ANKS1B: variants seen among roughly 807,000 people sequenced by gnomAD.
ANKS1B encodes the protein ankyrin repeat and sterile alpha motif domain containing 1B, also known as ankyrin repeat and sterile alpha motif domain-containing protein 1B.
Under a neutral mutation model 148.3 loss-of-function variants are expected in ANKS1B, and 36 were observed. The ratio of observed to expected loss-of-function variants is 0.24; its 90% CI spans 0.19 to 0.32. The LOEUF (loss-of-function observed/expected upper bound fraction) is 0.32, where lower values mean the gene tolerates loss of function less well. Among genes scored for constraint, ANKS1B ranks in the 10% least tolerant of loss-of-function variants. ANKS1B has a pLI of 1.00. For synonymous variants in ANKS1B, 542 were observed against 560.8 expected, an observed-to-expected ratio of 0.97 and a Z score of 0.47; for missense variants, 1,157 against 1,542.6, an observed-to-expected ratio of 0.75 and a Z score of 4.19.
intron 15 of ANKS1B, among the ~76,000 whole-genome samples, chr12:99,112,389 T>C (rs928226845): frequency 6.6e-6 from 1 of 151,980 alleles, no homozygotes; most frequent in Non-Finnish European, 1.5e-5. Flanking sequence ...ATTTTATATC[T>C]CCCATTACAC....
intron 1 of ANKS1B, among the ~76,000 whole-genome samples, chr12:99,839,227 A>G (rs1251994111): frequency 6.6e-6 from 1 of 152,186 alleles, no homozygotes; most frequent in Admixed American, 6.5e-5. Flanking sequence ...AAAAATAATA[A>G]GTATAGTCAA....
Position 98,745,467 on chromosome 12 carries a change from T to C in ANKS1B, c.*272A>G, listed in dbSNP as rs2097860520. ...CTGGGGCGGAGTCATCAGAAATACC[T>C]TGGGAGGTGGTGGGGAGGGGAGTCG... On this transcript the variant is annotated 3_prime_UTR_variant, in exon 27 of 27. Transcript: ENST00000683438. 5.4e-6 allele frequency: 6 copies of C among 1,106,686 alleles called. No homozygotes were observed. Among genetic ancestry groups the C allele is most frequent in the South Asian group, 6.3e-5 (2 of 31,804 alleles). 68.6% of individuals were successfully genotyped at this position (1,106,686 alleles called of 1,614,324 possible). A position where few individuals can be genotyped will look rare whatever the true frequency, so the allele number is the denominator to read the frequency against.
chr12:99,500,854 G>A (rs928901629), intron 10 of ANKS1B, among the ~76,000 whole-genome samples: 1 of 151,968 alleles, frequency 6.6e-6, no homozygotes, highest in African/African-American at 2.4e-5. Flanking sequence ...CTTCTCCTCT[G>A]GAACTTTGAT....
chr12:99,361,617 A>T (rs750534457), intron 12 of ANKS1B, among the ~76,000 whole-genome samples: 3 of 152,122 alleles, frequency 2.0e-5, no homozygotes, highest in Non-Finnish European at 4.4e-5. Flanking sequence ...TGTTGTCAAT[A>T]TATCATCAAT....
intron 10 of ANKS1B, among the ~76,000 whole-genome samples, chr12:99,456,224 A>T (rs1314207728): frequency 1.3e-5 from 2 of 152,184 alleles, no homozygotes; most frequent in African/African-American, 4.8e-5. Context: ...GAAAGGGAAG[A>T]GCACCATATC....
intron 14 of ANKS1B, among the ~76,000 whole-genome samples, chr12:99,156,250 C>T (rs2076040868): frequency 6.6e-6 from 1 of 152,062 alleles, no homozygotes; most frequent in South Asian, 2.1e-4. Context: ...GATTCTATTT[C>T]CTGTTTTAAG....
chr12:99,116,537 C>T (rs1186519962), intron 15 of ANKS1B, among the ~76,000 whole-genome samples: 1 of 152,028 alleles, frequency 6.6e-6, no homozygotes, highest in East Asian at 1.9e-4. Context: ...AAATGTTTTG[C>T]CCATGATATT....
intron 12 of ANKS1B, among the ~76,000 whole-genome samples, chr12:99,300,048 T>A (rs1157943754): frequency 6.6e-6 from 1 of 152,170 alleles, no homozygotes; most frequent in Non-Finnish European, 1.5e-5. Context: ...AAGCCTGATT[T>A]GAATAGCACA....
At chr12:99,597,028 A>G (rs1452533785) in intron 9 of ANKS1B, among the ~76,000 whole-genome samples, 1 of 151,940 alleles carries the variant, frequency 6.6e-6, no homozygotes, top group African/African-American at 2.4e-5. Flanking sequence ...TGAAATGACT[A>G]TGCAATTTTA....
intron 17 of ANKS1B, among the ~76,000 whole-genome samples, chr12:98,844,573 A>T (rs1377488957): frequency 6.6e-6 from 1 of 152,224 alleles, no homozygotes; most frequent in Non-Finnish European, 1.5e-5. Context: ...GACCAGGAGA[A>T]TGTCATAGAT....
intron 12 of ANKS1B, among the ~76,000 whole-genome samples, chr12:99,355,996 C>T: frequency 6.6e-6 from 1 of 151,808 alleles, no homozygotes; most frequent in East Asian, 1.9e-4. Context: ...ACAGAAACTA[C>T]AATAATTGAA....
intron 17 of ANKS1B, among the ~76,000 whole-genome samples, chr12:98,904,492 G>T (rs1373129247): frequency 2.0e-5 from 3 of 152,226 alleles, no homozygotes; most frequent in Non-Finnish European, 1.5e-5. Flanking sequence ...AGAATTGGAT[G>T]TGCATCAAAA....
chr12:99,057,748 C>A (rs1424503202), intron 16 of ANKS1B, among the ~76,000 whole-genome samples: 1 of 152,134 alleles, frequency 6.6e-6, no homozygotes, highest in African/African-American at 2.4e-5. Flanking sequence ...TGGTTAGAGA[C>A]GAGGTCTCTG....
rs185293198 is a variant in ANKS1B, at chr12:99,067,379, C to T, written c.2626-14070G>A. On this transcript the variant is annotated intron_variant, in intron 16 of 26. Transcript: ENST00000683438. ...ATAGCCAGAGACACAGACATCAGTA[C>T]CTTTGACACATTGGGCACCTGCAGC... Among the ~76,000 whole-genome samples the T allele has an allele frequency of 7.2e-5, 11 of 152,276 alleles. No individual in the cohort carries two copies. The East Asian group carries it at 1.7e-3, about 24-fold the overall frequency.
Position 98,795,134 on chromosome 12 carries a change from T to C in ANKS1B, c.3342+3800A>G, listed in dbSNP as rs113881901. Among the ~76,000 whole-genome samples, 80 of 152,360 alleles carry C rather than the reference T, an allele frequency of 5.3e-4. 1 individual carries two copies. The highest frequency in any genetic ancestry group is 1.8e-3 in the African/African-American group (73 of 41,584). On this transcript the variant is annotated intron_variant, in intron 22 of 26. Coordinates refer to ENST00000683438, the MANE Select transcript of ANKS1B (RefSeq NM_001352186.2). ...CTAATGGCACTAGGCAGCATTTGTA[T>C]AATAACTAATGGCAAAAATTCATGG...
intron 14 of ANKS1B, among the ~76,000 whole-genome samples, chr12:99,186,120 A>G (rs972415529): frequency 2.0e-5 from 3 of 152,318 alleles, no homozygotes; most frequent in African/African-American, 7.2e-5. Flanking sequence ...AAACAAAGCT[A>G]CAGGAAGTTC....
chr12:99,684,258 C>G (rs2153489021), intron 8 of ANKS1B, among the ~76,000 whole-genome samples: 1 of 149,630 alleles, frequency 6.7e-6, no homozygotes, highest in East Asian at 2.0e-4. Context: ...ATGAATTCAG[C>G]AAAGGATCAA....
At chr12:98,962,887 C>A (rs187273655) in intron 17 of ANKS1B, among the ~76,000 whole-genome samples, 1 of 152,148 alleles carries the variant, frequency 6.6e-6, no homozygotes, top group African/African-American at 2.4e-5. Context: ...AAAAAAATTT[C>A]TTGAAGCAGG....
At chr12:99,720,694 G>A (rs987528593) in intron 8 of ANKS1B, among the ~76,000 whole-genome samples, 6 of 152,086 alleles carry the variant, frequency 3.9e-5, no homozygotes, top group Non-Finnish European at 7.3e-5. Context: ...CTGTATGGAC[G>A]CTCCTTTTTA....
Sources: allele counts gnomAD v4.1 joint callset (sites outside exome capture counted in the v4.1 genomes callset), GRCh38; gene constraint gnomAD v4.1.1; transcripts MANE v1.5; gene names NCBI Gene and HGNC (gene_info 2026-07-23, HGNC 2026-07-21).